CLCN7: variants seen among roughly 807,000 people sequenced by gnomAD.
CLCN7 encodes H(+)/Cl(-) exchange transporter 7.
CLCN7 carries 60 observed loss-of-function variants against 102.1 expected under a neutral mutation model. That is an observed-to-expected ratio of 0.59 (90% confidence interval 0.48 to 0.73). The LOEUF is 0.73. Ranked by LOEUF, CLCN7 falls within the 30% of genes least tolerant of loss-of-function variation. The probability of loss-of-function intolerance (pLI) is 0.00; values close to 1 mark genes in which losing one functional copy is unlikely to be tolerated. For missense variants in CLCN7, 962 were observed against 1,125.7 expected, an observed-to-expected ratio of 0.85 and a Z score of 2.08; for synonymous variants, 560 against 490.5, an observed-to-expected ratio of 1.14 and a Z score of -1.87.
chr16:1,455,349 G>A, intron 11 of CLCN7, 99 bp from the exon 12 acceptor site: 1 of 859,772 alleles, frequency 1.2e-6, no homozygotes, highest in South Asian at 1.3e-5. Context: ...CAGCCCCGGG[G>A]CCAGGAGTCT....
rs377646655 is a variant in CLCN7 at position 1,448,390 on chromosome 16, C to T, written c.1978G>A (p.Gly660Ser). Residue 660 changes from glycine (G) to serine (S), a missense_variant, in exon 21 of 25, where the codon GGC (glycine) becomes AGC (serine). Transcript: ENST00000382745. ...TCGGCATGCTCCACCACGGGGAAGC[C>T]GTTGTGATTGGACGCCGTGTCGCTC... Reference protein sequence around the residue: ...VLSDTASNHNGFPVVEHADDT... With the variant: ...VLSDTASNHNSFPVVEHADDT... The T allele has an allele frequency of 1.5e-5, 24 of 1,612,626 alleles. No homozygotes were observed. Among genetic ancestry groups the T allele is most frequent in the South Asian group, 6.6e-5 (6 of 91,090 alleles).
intron 1 of CLCN7, among the ~76,000 whole-genome samples, chr16:1,465,899 A>G (rs1489808491): frequency 6.6e-6 from 1 of 152,216 alleles, no homozygotes; most frequent in East Asian, 1.9e-4. Flanking sequence ...GGGCAGGGGC[A>G]GGGCAGCGGG....
Position 1,457,577 on chromosome 16 carries a change from C to T in CLCN7, c.738+117G>A, listed in dbSNP as rs983731958. 7.6e-5 allele frequency: 71 copies of T among 940,194 alleles called. 1 individual carries two copies. The highest frequency in any genetic ancestry group is 3.6e-4 in the Admixed American group (19 of 52,286). 58.2% of individuals were successfully genotyped at this position (940,194 alleles called of 1,614,324 possible). The stretch of plus-strand genomic sequence containing the variant: ...GACCGGTGCTCAGAGACACGCGTGA[C>T]GCGGCCCTTCCTGGAGACCAGAAGG... On this transcript the variant is annotated intron_variant, in intron 8 of 24. Coordinates refer to ENST00000382745, the MANE Select transcript of CLCN7 (RefSeq NM_001287.6). The surrounding 1 kb of genome is among the most constrained non-coding windows in gnomAD (Gnocchi z 5.4).
chr16:1,456,033 C>A lies in CLCN7; in HGVS notation c.916+80G>T, dbSNP rs35286517. On this transcript the variant is annotated intron_variant, in intron 10 of 24. Transcript: ENST00000382745. ...AAGCCTCTGCCACCCTCAGCGGGCACTGGGCCTACAGAGAGGAGACCGTTC... is the reference window on the plus strand; with the variant it reads ...AAGCCTCTGCCACCCTCAGCGGGCAATGGGCCTACAGAGAGGAGACCGTTC... 0.089 allele frequency: 110,606 copies of A among 1,242,680 alleles called. 5,791 individuals carry two copies. Among genetic ancestry groups the A allele is most frequent in the Non-Finnish European group, 0.11 (93,253 of 879,646 alleles). The allele number at this position is 1,242,680 out of a possible 1,614,324, so 77.0% of individuals were successfully genotyped here. A position where few individuals can be genotyped will look rare whatever the true frequency, so the allele number is the denominator to read the frequency against.
Position 1,445,346 on chromosome 16 carries a change from G to T in CLCN7, c.*1285C>A. 6.6e-6 allele frequency: 1 copy of T among 152,510 alleles called. No individual in the cohort carries two copies. 9.4% of individuals were successfully genotyped at this position (152,510 alleles called of 1,614,324 possible). On this transcript the variant is annotated 3_prime_UTR_variant, in exon 25 of 25. Transcript: ENST00000382745. ...GACGACGCTGGCAAAGGCGGGCTGA[G>T]AGGATTTCTTTATTTCGCGTTCAGA... is the stretch of plus-strand genomic sequence containing the variant.
chr16:1,455,671 G>C, intron 11 of CLCN7, 60 bp downstream of exon 11: 3 of 1,564,170 alleles, frequency 1.9e-6, no homozygotes, highest in Non-Finnish European at 2.6e-6. Context: ...GGACCCCATG[G>C]TGGGAAATGA....
Position 1,461,590 on chromosome 16 carries a change from G to C in CLCN7, c.285+13C>G, listed in dbSNP as rs745363221. On this transcript the variant is annotated intron_variant, in intron 3 of 24. Coordinates refer to ENST00000382745, the MANE Select transcript of CLCN7 (RefSeq NM_001287.6). ...GCCGGGTCTCAGGGTCAGGGGGACA[G>C]AAGGACGCCCACCTCATACTTGAGG... 4.3e-6 allele frequency: 7 copies of C among 1,613,722 alleles called. No homozygotes were observed. The Admixed American group carries it at 1.2e-4, about 27-fold the overall frequency.
intron 2 of CLCN7, among the ~76,000 whole-genome samples, 192 bp downstream of exon 2, chr16:1,465,075 G>C (rs1001243741): frequency 2.6e-5 from 4 of 152,040 alleles, no homozygotes; most frequent in African/African-American, 9.7e-5. Context: ...GCACTCCTCC[G>C]TCTGAGAGCA....
chr16:1,468,627 G>A (rs903845186), intron 1 of CLCN7, among the ~76,000 whole-genome samples: 2 of 152,138 alleles, frequency 1.3e-5, no homozygotes, highest in Non-Finnish European at 2.9e-5. Flanking sequence ...TCAGGAACAC[G>A]TGAGCCAACA....
rs941235220 is a variant in CLCN7, at chr16:1,450,357, G to A, written c.1617+140C>T. 1.5e-4 allele frequency: 129 copies of A among 873,062 alleles called. No individual in the cohort carries two copies. The South Asian group carries it at 1.9e-3, about 13-fold the overall frequency. 54.1% of individuals were successfully genotyped at this position (873,062 alleles called of 1,614,324 possible). On this transcript the variant is annotated intron_variant, in intron 17 of 24. Coordinates refer to ENST00000382745, the MANE Select transcript of CLCN7 (RefSeq NM_001287.6). ...ACAACGCCCACGGCCCGTGAACCAC[G>A]CGAGGACAACGCCCACGGCCCGTGA...
Position 1,474,924 on chromosome 16 carries a change from G to A in CLCN7, c.51C>T (p.Asp17=). The change falls in exon 1 of 25, where the codon GAC becomes GAT. Residue 17 remains aspartate, a synonymous_variant. Coordinates refer to ENST00000382745, the MANE Select transcript of CLCN7 (RefSeq NM_001287.6). The part of the protein sequence containing the change: ...KVSWSGRDRD[D]EEAAPLLRRT... ...TCCGCAGCAGCGGCGCCGCCTCCTC[G>A]TCGTCCCGGTCCCGGCCGGACCAGG... The A allele has an allele frequency of 2.0e-6, 3 of 1,476,104 alleles. No individual in the cohort carries two copies. The highest frequency in any genetic ancestry group is 1.8e-6 in the Non-Finnish European group (2 of 1,117,902). 91.4% of individuals were successfully genotyped at this position (1,476,104 alleles called of 1,614,324 possible). A position where few individuals can be genotyped will look rare whatever the true frequency, so the allele number is the denominator to read the frequency against.
chr16:1,459,396 G>A lies in CLCN7; in HGVS notation c.595-209C>T, dbSNP rs1375672385. ...CAGGGAAGGGGAGAGCAGCGCACAC[G>A]TCGGGGCCCCAGGGAAGGGGAGCTC... On this transcript the variant is annotated intron_variant, in intron 6 of 24. Coordinates refer to ENST00000382745, the MANE Select transcript of CLCN7 (RefSeq NM_001287.6). 2.6e-5 allele frequency: 13 copies of A among 502,468 alleles called. 1 individual carries two copies. Among genetic ancestry groups the A allele is most frequent in the Non-Finnish European group, 3.6e-5 (10 of 278,710 alleles). The allele number at this position is 502,468 out of a possible 1,614,324, so 31.1% of individuals were successfully genotyped here.
chr16:1,469,580 G>A (rs2039049163), intron 1 of CLCN7, among the ~76,000 whole-genome samples: 1 of 152,162 alleles, frequency 6.6e-6, no homozygotes, highest in Non-Finnish European at 1.5e-5. Context: ...CAGCTACTCA[G>A]GAGGCTGAGG....
chr16:1,455,675 G>A, intron 11 of CLCN7, 56 bp downstream of exon 11: 1 of 1,576,958 alleles, frequency 6.3e-7, no homozygotes, highest in Non-Finnish European at 8.7e-7. Context: ...CCCATGGTGG[G>A]AAATGAGAGC....
intron 1 of CLCN7, among the ~76,000 whole-genome samples, chr16:1,467,059 CG>C (rs967871971): frequency 2.0e-5 from 3 of 151,980 alleles, no homozygotes; most frequent in Non-Finnish European, 4.4e-5. Context: ...GTTGATGACC[CG>C]GTAAGTGGCC....
At chr16:1,469,424 G>A (rs1438724612) in intron 1 of CLCN7, among the ~76,000 whole-genome samples, 4 of 152,134 alleles carry the variant, frequency 2.6e-5, no homozygotes, top group African/African-American at 4.8e-5. Context: ...GGTGGCTCAC[G>A]TCTGTCATCC....
intron 7 of CLCN7, among the ~76,000 whole-genome samples, chr16:1,458,346 C>T (rs141884133): frequency 0.011 from 1,633 of 152,380 alleles, 22 homozygotes; most frequent in South Asian, 0.039. Context: ...TTAAAGATGC[C>T]GAGCAAACTC....
At chr16:1,468,358 G>T (rs979805586) in intron 1 of CLCN7, among the ~76,000 whole-genome samples, 1 of 152,150 alleles carries the variant, frequency 6.6e-6, no homozygotes, top group Non-Finnish European at 1.5e-5. Context: ...GCCCCTGCCC[G>T]GAGTGAAAGG....
chr16:1,457,696 T>C lies in CLCN7; in HGVS notation c.736A>G (p.Lys246Glu). Residue 246 changes from lysine (K) to glutamate (E), a missense_variant and splice_region_variant, in exon 8 of 25, where the codon AAG (lysine) becomes GAG (glutamate). Physicochemically the swap from Lys to Glu is moderately conservative, Grantham distance 56. This residue lies in a region of CLCN7 where 799 missense variants were observed against 988.0 expected (regional missense o/e 0.81). Transcript: ENST00000382745. The surrounding 1 kb of genome is among the most constrained non-coding windows in gnomAD (Gnocchi z 5.4). Reference sequence around the variant, plus strand: ...AGTGGCCATGTGCACTTTGTTACCTTTCCCACGGCCAGGCCCCCGACCACG... The same window carrying C: ...AGTGGCCATGTGCACTTTGTTACCTCTCCCACGGCCAGGCCCCCGACCACG... Reference protein sequence around the residue: ...LSVVGGLAVGKEGPMIHSGSV... With the variant: ...LSVVGGLAVGEEGPMIHSGSV... 1.2e-6 allele frequency: 2 copies of C among 1,613,702 alleles called. No individual in the cohort carries two copies. The highest frequency in any genetic ancestry group is 1.7e-6 in the Non-Finnish European group (2 of 1,179,986).
Sources: gnomAD v4.1 joint callset for allele counts (sites outside exome capture counted in the v4.1 genomes callset) on GRCh38, gnomAD v4.1.1 for gene constraint, gnomAD v4.1.1 regional missense constraint, Gnocchi (gnomAD v3.1) non-coding constraint, MANE v1.5 for transcripts, NCBI Gene and HGNC (gene_info 2026-07-23, HGNC 2026-07-21) for gene names.